The following ODF1 variants were observed in gnomAD, a reference collection of about 807,000 sequenced individuals.
ODF1 encodes outer dense fiber of sperm tails 1.
A neutral mutation model predicts 24.0 loss-of-function variants in ODF1; 10 were observed. That is an observed-to-expected ratio of 0.42 (90% CI 0.26 to 0.71). ODF1 has a LOEUF of 0.71. Among genes scored for constraint, ODF1 ranks in the 30% least tolerant of loss-of-function variants. ODF1 has a pLI of 0.28. For missense variants in ODF1, 282 were observed against 307.9 expected, an observed-to-expected ratio of 0.92 and a Z score of 0.63; for synonymous variants, 118 against 121.3, an observed-to-expected ratio of 0.97 and a Z score of 0.18.
rs549572663 is a variant in ODF1 at position 102,551,848 on chromosome 8, A to G, written c.121A>G (p.Met41Val). Residue 41 changes from methionine (M) to valine (V), a missense_variant, in exon 1 of 2, where the codon ATG becomes GTG. Physicochemically the swap from Met to Val is conservative, Grantham distance 21. Transcript: ENST00000285402. The part of the protein sequence containing the change: ...FSTRCLCDLY[M>V]HPYCCCDLHP... ...CACACGGTGCCTGTGCGACTTGTAT[A>G]TGCACCCCTATTGCTGCTGTGACTT... 1.7e-4 allele frequency: 278 copies of G among 1,614,128 alleles called. No individual in the cohort carries two copies. Among genetic ancestry groups the G allele is most frequent in the Non-Finnish European group, 2.2e-4 (255 of 1,180,040 alleles).
intron 1 of ODF1, among the ~76,000 whole-genome samples, chr8:102,559,686 G>A (rs1826154440): frequency 6.6e-6 from 1 of 151,426 alleles, no homozygotes; most frequent in African/African-American, 2.5e-5. Flanking sequence ...CAGCCTGGAG[G>A]AGCCAGGCGC....
Position 102,551,916 on chromosome 8 carries a change from C to A in ODF1, c.189C>A (p.Arg63=), listed in dbSNP as rs1323402701. ...GCTTGTGCTATTCCAAGCGATCACG[C>A]TCTTGCGGCCTGTGTGATCTCTACC... ...PYCLCYSKRS[R]SCGLCDLYPC... Residue 63 remains arginine (R), a synonymous_variant, in exon 1 of 2, where the codon CGC becomes CGA. Transcript: ENST00000285402. 1 of 1,614,178 alleles carries A rather than the reference C, an allele frequency of 6.2e-7. No homozygotes were observed. Among genetic ancestry groups the A allele is most frequent in the Non-Finnish European group, 8.5e-7 (1 of 1,180,042 alleles).
chr8:102,553,998 G>T (rs998200), intron 1 of ODF1, among the ~76,000 whole-genome samples: 132,140 of 152,218 alleles, frequency 0.87, 57,857 homozygotes, highest in African/African-American at 0.95. Flanking sequence ...AGGCTTGTCC[G>T]CTTTATCTCT....
Position 102,560,007 on chromosome 8 carries a change from A to G in ODF1, c.321-445A>G, listed in dbSNP as rs562820055. Among the ~76,000 whole-genome samples the G allele has an allele frequency of 2.2e-4, 33 of 151,430 alleles. 1 individual carries two copies. The highest frequency in any genetic ancestry group is 8.1e-4 in the African/African-American group (33 of 40,966). ...ATGAGAGTGGTAATAATTAAGCAGGATTTATAATGTACGAAGCACAGTGCT... is the reference window on the plus strand; with the variant it reads ...ATGAGAGTGGTAATAATTAAGCAGGGTTTATAATGTACGAAGCACAGTGCT... On this transcript the variant is annotated intron_variant, in intron 1 of 1. Transcript: ENST00000285402.
At chr8:102,559,278 G>C (rs748999786) in intron 1 of ODF1, among the ~76,000 whole-genome samples, 1 of 151,208 alleles carries the variant, frequency 6.6e-6, no homozygotes, top group Non-Finnish European at 1.5e-5. Context: ...CTGTTCTTAG[G>C]CACTTTGCTT....
intron 1 of ODF1, among the ~76,000 whole-genome samples, chr8:102,556,093 T>C (rs139197286): frequency 1.2e-3 from 185 of 152,338 alleles, no homozygotes; most frequent in African/African-American, 4.4e-3. Flanking sequence ...AAACTGTTAC[T>C]AGCACTTCAT....
rs145265938 is a variant in ODF1, at chr8:102,560,605, C to T, written c.474C>T (p.Tyr158=). 8.7e-6 allele frequency: 14 copies of T among 1,614,064 alleles called. No individual in the cohort carries two copies. Among genetic ancestry groups the T allele is most frequent in the Admixed American group, 5.0e-5 (3 of 60,002 alleles). Residue 158 remains tyrosine, a synonymous_variant, in exon 2 of 2, where the codon TAC becomes TAT. Transcript: ENST00000285402. ...TGTCGGCTGAGCGGGAGAACAGGTA[C>T]GACTGCCTTGGATCGAAAAAGTACA... is the stretch of plus-strand genomic sequence containing the variant. ...VCVSAERENR[Y]DCLGSKKYSY... is the part of the protein sequence containing the mutation.
In ODF1 at chr8:102,560,778, GCCCCTGCAACCCCTGCAGCCCCTGCAA is replaced by G; in HGVS notation, c.651_677del (p.Asn219_Cys227del). 6.7e-7 allele frequency: 1 copy of G among 1,489,408 alleles called. No individual in the cohort carries two copies. Among genetic ancestry groups the G allele is most frequent in the Non-Finnish European group, 9.3e-7 (1 of 1,080,206 alleles). The allele number at this position is 1,489,408 out of a possible 1,614,324, so 92.3% of individuals were successfully genotyped here. A position where few individuals can be genotyped will look rare whatever the true frequency, so the allele number is the denominator to read the frequency against. On this transcript the variant is annotated inframe_deletion, in exon 2 of 2. Transcript: ENST00000285402. ...CCTTGCAGCCCCTGCAGCCCCTGCAGCCCCTGCAACCCCTGCAGCCCCTGCAACCCGTGCAGCCCATATGATCCTTGC... is the reference window on the plus strand; with the variant it reads ...CCTTGCAGCCCCTGCAGCCCCTGCAGCCCGTGCAGCCCATATGATCCTTGC...
rs1019886397 is a variant in ODF1 at position 102,560,697 on chromosome 8, C to T, written c.566C>T (p.Ser189Phe). Residue 189 changes from serine (S) to phenylalanine (F), a missense_variant, in exon 2 of 2, where the codon TCC (serine) becomes TTC (phenylalanine). Coordinates refer to ENST00000285402, the MANE Select transcript of ODF1 (RefSeq NM_024410.4). Reference sequence around the variant, plus strand: ...GTGGATGAGAAGGATGTAACATACTCCTATGGGCTCGGCAGCTGTGTCAAG... The same window carrying T: ...GTGGATGAGAAGGATGTAACATACTTCTATGGGCTCGGCAGCTGTGTCAAG... Reference protein sequence around the residue: ...PCVDEKDVTYSYGLGSCVKIE... With the variant: ...PCVDEKDVTYFYGLGSCVKIE... 6 of 1,613,920 alleles carry T rather than the reference C, an allele frequency of 3.7e-6. No individual in the cohort carries two copies. The African/African-American group carries it at 6.7e-5, about 18-fold the overall frequency.
intron 1 of ODF1, among the ~76,000 whole-genome samples, chr8:102,552,713 G>C (rs556999579): frequency 6.6e-6 from 1 of 152,148 alleles, no homozygotes; most frequent in Non-Finnish European, 1.5e-5. Flanking sequence ...TAATTAAAAA[G>C]AGTCAGTTTT....
rs1487477606 is a variant in ODF1, at chr8:102,560,842, T to A, written c.711T>A (p.Tyr237Ter). ...CSPYDPCNPCYPCGSRFSCRK... is the reference protein window; with the variant it reads ...CSPYDPCNPC ...CATATGATCCTTGCAACCCGTGTTA[T>A]CCCTGTGGAAGCCGATTTTCCTGTA... Residue 237 changes from tyrosine (Y) to a stop codon, truncating the protein, a stop_gained, in exon 2 of 2, where the codon TAT becomes TAA. Transcript: ENST00000285402. LOFTEE classifies it high-confidence loss of function. 1 of 1,613,356 alleles carries A rather than the reference T, an allele frequency of 6.2e-7. No individual in the cohort carries two copies. The highest frequency in any genetic ancestry group is 1.7e-5 in the Admixed American group (1 of 59,940).
In ODF1 at chr8:102,559,049, C is replaced by CA. The variant is rs200614583; in HGVS notation, c.321-1389dup. 1.7e-3 allele frequency among the ~76,000 whole-genome samples: 215 copies of CA among 124,960 alleles called. 3 individuals are homozygous for CA. The South Asian group carries it at 0.02, about 12-fold the overall frequency. 82.0% of individuals were successfully genotyped at this position (124,960 alleles called of 152,430 possible). On this transcript the variant is annotated intron_variant, in intron 1 of 1. Coordinates refer to ENST00000285402, the MANE Select transcript of ODF1 (RefSeq NM_024410.4). ...GCTTAGCACCTTCCACAGCACATTG[C>CA]AAAAAAAAAAAAAAGAAAAGACAAA...
At chr8:102,555,337 A>C (rs1826099889) in intron 1 of ODF1, among the ~76,000 whole-genome samples, 1 of 152,146 alleles carries the variant, frequency 6.6e-6, no homozygotes. Context: ...GATCTAATTC[A>C]TGGGTGCCCC....
Position 102,552,049 on chromosome 8 carries a change from TA to T in ODF1, c.320+6del, listed in dbSNP as rs745497030. 6.4e-7 allele frequency: 1 copy of T among 1,566,336 alleles called. No homozygotes were observed. The highest frequency in any genetic ancestry group is 1.2e-5 in the South Asian group (1 of 84,656). On this transcript the variant is annotated splice_donor_region_variant and intron_variant, in intron 1 of 1. Transcript: ENST00000285402. ...AGATGAGAAGCGAGAGCTTGCCAAG[TA>T]AAATAACTTATTTTTAAATTTTTAT... is the stretch of plus-strand genomic sequence containing the variant.
Position 102,560,599 on chromosome 8 carries a change from C to T in ODF1, c.468C>T (p.Asn156=). Residue 156 remains asparagine, a synonymous_variant, in exon 2 of 2, where the codon AAC becomes AAT. Transcript: ENST00000285402. ...GKVCVSAERE[N]RYDCLGSKKY... is the part of the protein sequence containing the mutation. ...TATGTGTGTCGGCTGAGCGGGAGAA[C>T]AGGTACGACTGCCTTGGATCGAAAA... is the stretch of plus-strand genomic sequence containing the variant. 10 of 1,614,218 alleles carry T rather than the reference C, an allele frequency of 6.2e-6. No homozygotes were observed. The highest frequency in any genetic ancestry group is 8.5e-6 in the Non-Finnish European group (10 of 1,180,042).
Position 102,560,911 on chromosome 8 carries a change from T to C in ODF1, c.*27T>C. ...GTGCGCATAGGAACCCATTACTTAA[T>C]AGAAGTCAGTTACTCCAGCCAGGCA... is the stretch of plus-strand genomic sequence containing the variant. On this transcript the variant is annotated 3_prime_UTR_variant, in exon 2 of 2. Transcript: ENST00000285402. 2 of 1,567,362 alleles carry C rather than the reference T, an allele frequency of 1.3e-6. No homozygotes were observed. The highest frequency in any genetic ancestry group is 2.2e-5 in the East Asian group (1 of 44,528).
At chr8:102,555,782 C>T (rs1826104181) in intron 1 of ODF1, among the ~76,000 whole-genome samples, 1 of 152,192 alleles carries the variant, frequency 6.6e-6, no homozygotes, top group South Asian at 2.1e-4. Context: ...AAGGCTGGCT[C>T]TTCCACTCCC....
intron 1 of ODF1, among the ~76,000 whole-genome samples, chr8:102,553,854 G>C (rs1826079029): frequency 6.6e-6 from 1 of 152,224 alleles, no homozygotes; most frequent in South Asian, 2.1e-4. Flanking sequence ...GGTTTGTGAT[G>C]CTCTTCCTGA....
chr8:102,560,899 C>G lies in ODF1; in HGVS notation c.*15C>G. ...TGATTTTGTAAAGTGCGCATAGGAA[C>G]CCATTACTTAATAGAAGTCAGTTAC... On this transcript the variant is annotated 3_prime_UTR_variant, in exon 2 of 2. Coordinates refer to ENST00000285402, the MANE Select transcript of ODF1 (RefSeq NM_024410.4). The G allele has an allele frequency of 6.3e-7, 1 of 1,585,210 alleles. No individual in the cohort carries two copies. The highest frequency in any genetic ancestry group is 8.6e-7 in the Non-Finnish European group (1 of 1,164,172).
Sources: allele counts gnomAD v4.1 joint callset (sites outside exome capture counted in the v4.1 genomes callset), GRCh38; gene constraint gnomAD v4.1.1; transcripts MANE v1.5; gene names NCBI Gene and HGNC (gene_info 2026-07-23, HGNC 2026-07-21).